PDE4D: variants seen among roughly 807,000 people sequenced by gnomAD.
PDE4D encodes 3',5'-cyclic-AMP phosphodiesterase 4D.
PDE4D carries 24 observed loss-of-function variants against 87.4 expected under a neutral mutation model. The observed-to-expected ratio is 0.27, with a 90% CI of 0.20 to 0.39. PDE4D has a LOEUF of 0.39. Among genes scored for constraint, PDE4D ranks in the 10% least tolerant of loss-of-function variants. The pLI is 1.00. For synonymous variants in PDE4D, 384 were observed against 383.2 expected (o/e 1.00, Z -0.02); for missense variants, 714 against 1,041.0 (o/e 0.69, Z 4.32).
chr5:59,836,618 G>GTATCTATCTATCTATCTATC (rs6149046), intron 1 of PDE4D, among the ~76,000 whole-genome samples: 4 of 140,370 alleles, frequency 2.8e-5, no homozygotes, highest in Non-Finnish European at 3.0e-5. Flanking sequence ...CTTCCAAGAT[G>GTATCTATCTATCTATCTATC]TATCTATCTA....
chr5:60,427,850 T>A (rs1227423838), intron 1 of PDE4D, among the ~76,000 whole-genome samples: 1 of 152,096 alleles, frequency 6.6e-6, no homozygotes. Flanking sequence ...GCAGGGAGGA[T>A]CATTTGAGCC....
chr5:59,861,090 C>T (rs1051873260), intron 1 of PDE4D, among the ~76,000 whole-genome samples: 1 of 148,496 alleles, frequency 6.7e-6, no homozygotes, highest in African/African-American at 2.5e-5. Context: ...AGGCTGGTTT[C>T]GAACTCCTGA....
chr5:60,082,963 A>G (rs1774124296), intron 2 of PDE4D, among the ~76,000 whole-genome samples: 1 of 152,208 alleles, frequency 6.6e-6, no homozygotes, highest in Non-Finnish European at 1.5e-5. Flanking sequence ...AGTTTGCTAT[A>G]AAACCTCTCC....
At chr5:60,273,862 T>C (rs575315135) in intron 1 of PDE4D, among the ~76,000 whole-genome samples, 1 of 151,828 alleles carries the variant, frequency 6.6e-6, no homozygotes, top group Non-Finnish European at 1.5e-5. Flanking sequence ...AAAAAAAAAA[T>C]GTCCACTCAG....
At chr5:59,584,391 C>T (rs764964088) in intron 1 of PDE4D, among the ~76,000 whole-genome samples, 4 of 152,194 alleles carry the variant, frequency 2.6e-5, no homozygotes, top group Non-Finnish European at 5.9e-5. Context: ...AGAGCATTAA[C>T]ATTCTACATT....
chr5:60,389,127 T>C (rs1414927147), intron 1 of PDE4D, among the ~76,000 whole-genome samples: 1 of 152,178 alleles, frequency 6.6e-6, no homozygotes, highest in Non-Finnish European at 1.5e-5. Flanking sequence ...AGCAAATCTA[T>C]GAAAGGATTG....
At chr5:59,316,533 T>C (rs1247928629) in intron 1 of PDE4D, among the ~76,000 whole-genome samples, 1 of 152,146 alleles carries the variant, frequency 6.6e-6, no homozygotes, top group East Asian at 1.9e-4. Flanking sequence ...TCAGAGTAAA[T>C]TTCCATCTTG....
chr5:59,915,824 A>C (rs1753978465), intron 3 of PDE4D, among the ~76,000 whole-genome samples: 1 of 152,210 alleles, frequency 6.6e-6, no homozygotes, highest in Admixed American at 6.5e-5. Flanking sequence ...TTTTGGTGAC[A>C]TAAATTATCA....
intron 5 of PDE4D, among the ~76,000 whole-genome samples, chr5:59,165,351 G>T (rs1472760494): frequency 6.6e-6 from 1 of 152,078 alleles, no homozygotes; most frequent in African/African-American, 2.4e-5. Context: ...TCAGCTTACT[G>T]CAACCTCTGC....
intron 2 of PDE4D, among the ~76,000 whole-genome samples, chr5:60,083,692 C>T (rs1344287597): frequency 1.3e-5 from 2 of 152,176 alleles, no homozygotes; most frequent in Non-Finnish European, 2.9e-5. Flanking sequence ...TACTCACTTC[C>T]TGGGCCTCAG....
rs142712617 is a variant in PDE4D, at chr5:59,161,841, A to C, written c.808+18754T>G. ...TGCATCTCCAGCAAAGAGATACTAA[A>C]GTTTTCTCTTGGTCTTCTTTTCAGA... On this transcript the variant is annotated intron_variant, in intron 5 of 14. Transcript: ENST00000340635. Among the ~76,000 whole-genome samples the C allele has an allele frequency of 2.4e-3, 368 of 152,308 alleles. 1 individual carries two copies. The highest frequency in any genetic ancestry group is 8.6e-3 in the African/African-American group (359 of 41,564).
intron 1 of PDE4D, among the ~76,000 whole-genome samples, chr5:60,468,280 AGGTGAGT>A (rs201974948): frequency 0.027 from 4,159 of 152,048 alleles, 85 homozygotes; most frequent in Middle Eastern, 0.082. Context: ...CTGGAACCAC[AGGTGAGT>A]GCCACCACAC....
chr5:60,270,091 T>A (rs577202929), intron 1 of PDE4D, among the ~76,000 whole-genome samples: 1 of 152,022 alleles, frequency 6.6e-6, no homozygotes, highest in South Asian at 2.1e-4. Context: ...AATCAAAGAG[T>A]CAGCTGACTT....
intron 1 of PDE4D, among the ~76,000 whole-genome samples, chr5:60,324,387 C>T (rs1756587469): frequency 6.6e-6 from 1 of 152,060 alleles, no homozygotes; most frequent in Non-Finnish European, 1.5e-5. Context: ...TCCATAGGAC[C>T]CAGCACAGTG....
chr5:59,168,212 C>A (rs1782192020), intron 5 of PDE4D, among the ~76,000 whole-genome samples: 1 of 152,032 alleles, frequency 6.6e-6, no homozygotes, highest in South Asian at 2.1e-4. Flanking sequence ...GCAATGGTAG[C>A]TAAGAGATGA....
At chr5:59,027,620 G>A (rs1756482717) in intron 6 of PDE4D, among the ~76,000 whole-genome samples, 1 of 151,976 alleles carries the variant, frequency 6.6e-6, no homozygotes, top group South Asian at 2.1e-4. Context: ...TGCTCAAATT[G>A]TTCTAGCTTT....
intron 1 of PDE4D, among the ~76,000 whole-genome samples, chr5:59,588,281 C>A (rs550496735): frequency 6.6e-6 from 1 of 152,148 alleles, no homozygotes; most frequent in Non-Finnish European, 1.5e-5. Flanking sequence ...TTCAATAATC[C>A]CCCAAAAGCA....
intron 1 of PDE4D, among the ~76,000 whole-genome samples, chr5:60,477,605 C>A (rs1172236663): frequency 6.6e-6 from 1 of 152,168 alleles, no homozygotes. Context: ...CCTATGTATG[C>A]ACACTTTGAC....
chr5:59,942,170 T>C (rs1000142268), intron 3 of PDE4D, among the ~76,000 whole-genome samples: 19 of 152,388 alleles, frequency 1.2e-4, no homozygotes, highest in Admixed American at 3.9e-4. Flanking sequence ...TGTTTCTTCA[T>C]TTGCTATTTG....
Sources: allele counts gnomAD v4.1 joint callset (sites outside exome capture counted in the v4.1 genomes callset), GRCh38; gene constraint gnomAD v4.1.1; transcripts MANE v1.5; gene names NCBI Gene and HGNC (gene_info 2026-07-23, HGNC 2026-07-21).